PPP4R1: variants seen among roughly 807,000 people sequenced by gnomAD.
PPP4R1 encodes protein phosphatase 4 regulatory subunit 1.
PPP4R1 carries 42 observed loss-of-function variants against 111.2 expected under a neutral mutation model. The ratio of observed to expected loss-of-function variants is 0.38; its 90% CI spans 0.29 to 0.49. PPP4R1 has a LOEUF of 0.49. Among genes scored for constraint, PPP4R1 ranks in the 20% least tolerant of loss-of-function variants. The probability of loss-of-function intolerance (pLI) is 0.97; values close to 1 mark genes in which losing one functional copy is unlikely to be tolerated. For synonymous variants in PPP4R1, 409 were observed against 405.5 expected, an observed-to-expected ratio of 1.01 and a Z score of -0.10; for missense variants, 1,012 against 1,161.6, an observed-to-expected ratio of 0.87 and a Z score of 1.87.
At chr18:9,578,167 GCAA>G (rs2066967983) in intron 9 of PPP4R1, among the ~76,000 whole-genome samples, 1 of 152,158 alleles carries the variant, frequency 6.6e-6, no homozygotes. Flanking sequence ...TCGGACAAAG[GCAA>G]CAACAATGGG....
intron 9 of PPP4R1, among the ~76,000 whole-genome samples, chr18:9,579,697 C>CT (rs1361920720): frequency 2.6e-5 from 4 of 152,148 alleles, no homozygotes; most frequent in Non-Finnish European, 5.9e-5. Flanking sequence ...CAAGTACAGA[C>CT]TTTTTTCCTT....
chr18:9,596,447 GT>G (rs1286581432), intron 2 of PPP4R1, among the ~76,000 whole-genome samples: 1 of 152,154 alleles, frequency 6.6e-6, no homozygotes, highest in Non-Finnish European at 1.5e-5. Context: ...TTTACTTATA[GT>G]CTGTCTCTCT....
chr18:9,608,430 A>G (rs1598967548), intron 2 of PPP4R1, among the ~76,000 whole-genome samples: 1 of 152,332 alleles, frequency 6.6e-6, no homozygotes, highest in Non-Finnish European at 1.5e-5. Context: ...ATTCATATCA[A>G]TAAGGCCAGA....
chr18:9,607,272 G>C (rs997023464), intron 2 of PPP4R1, among the ~76,000 whole-genome samples: 2 of 151,438 alleles, frequency 1.3e-5, no homozygotes, highest in African/African-American at 4.9e-5. Context: ...GAGGTGGGAG[G>C]ATTACTTGAG....
intron 16 of PPP4R1, chr18:9,550,793 T>G (rs1047315623): frequency 2.2e-5 from 4 of 178,548 alleles, no homozygotes; most frequent in Non-Finnish European, 4.7e-5. Context: ...AGGGAGGGAG[T>G]CCACTGTGTA....
At chr18:9,552,619 G>T (rs554782091) in intron 16 of PPP4R1, among the ~76,000 whole-genome samples, 1 of 152,264 alleles carries the variant, frequency 6.6e-6, no homozygotes, top group Non-Finnish European at 1.5e-5. Context: ...AGTTCCTCAA[G>T]AAATTAAACA....
chr18:9,578,481 C>T (rs2066973811), intron 9 of PPP4R1, among the ~76,000 whole-genome samples: 1 of 151,912 alleles, frequency 6.6e-6, no homozygotes, highest in Non-Finnish European at 1.5e-5. Flanking sequence ...TCAAGCAATC[C>T]TCCCACCTCC....
intron 10 of PPP4R1, among the ~76,000 whole-genome samples, chr18:9,574,642 G>C (rs2066910110): frequency 6.6e-6 from 1 of 152,202 alleles, no homozygotes; most frequent in Non-Finnish European, 1.5e-5. Context: ...GGAGACAAAG[G>C]GAGGAGCTGG....
At chr18:9,610,551 C>T (rs889360739) in intron 2 of PPP4R1, among the ~76,000 whole-genome samples, 2 of 152,132 alleles carry the variant, frequency 1.3e-5, no homozygotes, top group African/African-American at 4.8e-5. Flanking sequence ...CAACCTCTAC[C>T]TCCTGGGTTC....
In PPP4R1 at chr18:9,585,141, C is replaced by T. The variant is rs114217919; in HGVS notation, c.586-313G>A. On this transcript the variant is annotated intron_variant, in intron 6 of 19. Coordinates refer to ENST00000400556, the MANE Select transcript of PPP4R1 (RefSeq NM_001042388.3). ...ATCTTACTACTACTTCATCATTTTG[C>T]CTGGTAATTTTAAAAGCAAAACAAA... Among the ~76,000 whole-genome samples, 462 of 152,192 alleles carry T rather than the reference C, an allele frequency of 3.0e-3. 1 individual carries two copies. Among genetic ancestry groups the T allele is most frequent in the African/African-American group, 0.011 (444 of 41,530 alleles).
At chr18:9,569,394 C>T (rs1286212897) in intron 11 of PPP4R1, among the ~76,000 whole-genome samples, 4 of 152,108 alleles carry the variant, frequency 2.6e-5, no homozygotes, top group Non-Finnish European at 5.9e-5. Context: ...TGCTGTCGCC[C>T]AGGCTGCAGT....
chr18:9,558,422 GA>G (rs370165463), intron 14 of PPP4R1, among the ~76,000 whole-genome samples: 96 of 152,278 alleles, frequency 6.3e-4, no homozygotes, highest in African/African-American at 2.2e-3. Flanking sequence ...GCACTCTATG[GA>G]AATTGGGCCT....
chr18:9,593,696 A>T, intron 4 of PPP4R1, 72 bp downstream of exon 4: 1 of 1,298,444 alleles, frequency 7.7e-7, no homozygotes, highest in Non-Finnish European at 1.1e-6. Flanking sequence ...CTTGTTCATT[A>T]GTTTTTAGAA....
At chr18:9,565,952 C>T (rs2066758086) in intron 11 of PPP4R1, among the ~76,000 whole-genome samples, 1 of 152,128 alleles carries the variant, frequency 6.6e-6, no homozygotes, top group Admixed American at 6.5e-5. Context: ...GCTCTGTCAC[C>T]CAGGCTGGAA....
intron 15 of PPP4R1, among the ~76,000 whole-genome samples, chr18:9,556,137 G>C (rs1448905280): frequency 6.8e-6 from 1 of 148,074 alleles, no homozygotes; most frequent in South Asian, 2.1e-4. Flanking sequence ...CTCCAGCCTT[G>C]TGACAGAGCG....
At position 9,614,285 on chromosome 18, in the gene PPP4R1, G is replaced by A. The variant is rs2067645113; in HGVS notation, c.8-15C>T. ...CAGCGAGAGGTCTGCGCCGAGGGGA[G>A]AGAAGAAAGGCCCGGTCAGCGCCCC... On this transcript the variant is annotated splice_polypyrimidine_tract_variant and intron_variant, in intron 1 of 19. Coordinates refer to ENST00000400556, the MANE Select transcript of PPP4R1 (RefSeq NM_001042388.3). The surrounding 1 kb of genome is among the most constrained non-coding windows in gnomAD (Gnocchi z 4.1). 4.6e-6 allele frequency: 6 copies of A among 1,294,210 alleles called. No individual in the cohort carries two copies. Among genetic ancestry groups the A allele is most frequent in the Non-Finnish European group, 6.0e-6 (6 of 1,008,276 alleles). 80.2% of individuals were successfully genotyped at this position (1,294,210 alleles called of 1,614,324 possible).
At chr18:9,559,298 A>G (rs1265269666) in intron 14 of PPP4R1, 121 bp downstream of exon 14, 2 of 1,004,308 alleles carry the variant, frequency 2.0e-6, no homozygotes, top group Non-Finnish European at 2.7e-6. Flanking sequence ...TCTTCCATAC[A>G]TAATTTCCTA....
At chr18:9,590,574 G>A (rs2067194212) in intron 4 of PPP4R1, among the ~76,000 whole-genome samples, 1 of 152,072 alleles carries the variant, frequency 6.6e-6, no homozygotes. Context: ...GACTAATGGG[G>A]CGGGGCAGGG....
chr18:9,602,799 C>T (rs897305837), intron 2 of PPP4R1, among the ~76,000 whole-genome samples: 12 of 149,324 alleles, frequency 8.0e-5, no homozygotes, highest in Middle Eastern at 3.4e-3. Flanking sequence ...CCAACCTGGG[C>T]GACGTACTGA....
Sources: gnomAD v4.1 joint callset for allele counts (sites outside exome capture counted in the v4.1 genomes callset) on GRCh38, gnomAD v4.1.1 for gene constraint, Gnocchi (gnomAD v3.1) non-coding constraint, MANE v1.5 for transcripts, NCBI Gene and HGNC (gene_info 2026-07-23, HGNC 2026-07-21) for gene names.